ESCO1: variants seen among roughly 807,000 people sequenced by gnomAD.
The protein encoded by ESCO1 is N-acetyltransferase ESCO1.
In ESCO1, 33 loss-of-function variants were observed where a neutral mutation model predicts 83.5. The ratio of observed to expected loss-of-function variants is 0.40; its 90% CI spans 0.30 to 0.53. The LOEUF is 0.53. Ranked by LOEUF, ESCO1 falls within the 20% of genes least tolerant of loss-of-function variation. The probability of loss-of-function intolerance (pLI) is 0.63; values close to 1 mark genes in which losing one functional copy is unlikely to be tolerated. For missense variants in ESCO1, 855 were observed against 968.0 expected, an observed-to-expected ratio of 0.88 and a Z score of 1.55; for synonymous variants, 332 against 324.3, an observed-to-expected ratio of 1.02 and a Z score of -0.25.
chr18:21,550,133 C>T (rs2038027488), intron 8 of ESCO1, among the ~76,000 whole-genome samples: 1 of 152,120 alleles, frequency 6.6e-6, no homozygotes, highest in African/African-American at 2.4e-5. Flanking sequence ...TGAGCAGAGA[C>T]CAGTAGCCAT....
intron 8 of ESCO1, among the ~76,000 whole-genome samples, chr18:21,547,266 A>C (rs2146182458): frequency 6.6e-6 from 1 of 152,270 alleles, no homozygotes; most frequent in African/African-American, 2.4e-5. Flanking sequence ...TTTAAAAACA[A>C]GGTCGACAGT....
chr18:21,560,065 C>CA (rs1479918328), intron 8 of ESCO1, among the ~76,000 whole-genome samples: 1 of 152,014 alleles, frequency 6.6e-6, no homozygotes, highest in Non-Finnish European at 1.5e-5. Context: ...TTGGTGATCT[C>CA]AGTTCAGATA....
chr18:21,558,338 T>G (rs902762579), intron 8 of ESCO1, among the ~76,000 whole-genome samples: 4 of 152,290 alleles, frequency 2.6e-5, no homozygotes, highest in African/African-American at 4.8e-5. Flanking sequence ...AAAATACGAC[T>G]TTTAGCCATT....
At chr18:21,533,701 G>A (rs1371263362) in intron 10 of ESCO1, among the ~76,000 whole-genome samples, 1 of 152,036 alleles carries the variant, frequency 6.6e-6, no homozygotes, top group Non-Finnish European at 1.5e-5. Flanking sequence ...GATCTAGGTG[G>A]AATAGAACCT....
intron 6 of ESCO1, among the ~76,000 whole-genome samples, chr18:21,565,528 T>C (rs777245671): frequency 2.6e-5 from 4 of 152,198 alleles, no homozygotes; most frequent in Non-Finnish European, 5.9e-5. Context: ...GTGTTTAACA[T>C]AGGATTTGTC....
At chr18:21,542,569 T>C (rs569551548) in intron 8 of ESCO1, among the ~76,000 whole-genome samples, 1 of 152,186 alleles carries the variant, frequency 6.6e-6, no homozygotes, top group South Asian at 2.1e-4. Flanking sequence ...GCTCAAAGAG[T>C]AGCCACTAAG....
At chr18:21,567,406 C>T (rs1056679823) in intron 5 of ESCO1, among the ~76,000 whole-genome samples, 2 of 152,018 alleles carry the variant, frequency 1.3e-5, no homozygotes, top group East Asian at 3.9e-4. Flanking sequence ...CTTAAGTGAT[C>T]TGTCTGCCTA....
chr18:21,571,624 A>G (rs946776755), intron 4 of ESCO1, among the ~76,000 whole-genome samples: 1 of 152,260 alleles, frequency 6.6e-6, no homozygotes, highest in Non-Finnish European at 1.5e-5. Flanking sequence ...AGTTTAGTAC[A>G]AAGGAATGAA....
At chr18:21,583,902 T>C (rs1400783944) in intron 2 of ESCO1, among the ~76,000 whole-genome samples, 1 of 152,102 alleles carries the variant, frequency 6.6e-6, no homozygotes, top group Non-Finnish European at 1.5e-5. Flanking sequence ...CAAATAGAGA[T>C]GTAAGTTATA....
chr18:21,585,606 G>T (rs140567211), intron 1 of ESCO1, among the ~76,000 whole-genome samples: 220 of 152,148 alleles, frequency 1.4e-3, no homozygotes, highest in African/African-American at 5.1e-3. Flanking sequence ...GATGAAGTGT[G>T]AGCCCAAAAC....
At chr18:21,578,808 G>A (rs1046454633) in intron 2 of ESCO1, among the ~76,000 whole-genome samples, 1 of 151,412 alleles carries the variant, frequency 6.6e-6, no homozygotes, top group Non-Finnish European at 1.5e-5. Flanking sequence ...AGCGATTCTC[G>A]TGCCTTAGCC....
rs199769624 is a variant in ESCO1, at chr18:21,532,463, T to A, written c.2375+10A>T. On this transcript the variant is annotated intron_variant, in intron 11 of 11. Transcript: ENST00000269214. ...ACTAAAAATGATTTGAAGGATTACA[T>A]TCAAGTTACCTTAGGCATTCAATCA... 10 of 1,600,926 alleles carry A rather than the reference T, an allele frequency of 6.2e-6. 1 individual carries two copies. The South Asian group carries it at 1.1e-4, about 18-fold the overall frequency.
intron 9 of ESCO1, 80 bp downstream of exon 9, chr18:21,539,840 C>T (rs1818274): frequency 0.83 from 950,856 of 1,146,672 alleles, 395,805 homozygotes; most frequent in East Asian, 0.97. Flanking sequence ...AGAGCAAGAC[C>T]CTGTCTCAGG....
intron 9 of ESCO1, among the ~76,000 whole-genome samples, chr18:21,536,463 C>T (rs886434564): frequency 4.6e-5 from 7 of 151,836 alleles, no homozygotes; most frequent in Non-Finnish European, 8.8e-5. Context: ...CCGCAGTGTG[C>T]GCCTGTAATC....
At chr18:21,531,782 A>G (rs773549975) in intron 11 of ESCO1, among the ~76,000 whole-genome samples, 2 of 149,840 alleles carry the variant, frequency 1.3e-5, no homozygotes, top group Non-Finnish European at 3.0e-5. Flanking sequence ...AATCCCAACT[A>G]CTTGGGAGGC....
intron 1 of ESCO1, among the ~76,000 whole-genome samples, chr18:21,587,747 G>A (rs1047734827): frequency 5.3e-5 from 8 of 151,988 alleles, no homozygotes; most frequent in Admixed American, 1.3e-4. Flanking sequence ...GACCAGTTTG[G>A]GCAACACAGC....
At chr18:21,597,061 A>G (rs548653760) in intron 1 of ESCO1, 1 of 152,350 alleles carries the variant, frequency 6.6e-6, no homozygotes, top group South Asian at 2.1e-4. Context: ...ATGAATTCTA[A>G]TGCAACAGAA....
At chr18:21,596,793 C>G (rs1242879036) in intron 1 of ESCO1, among the ~76,000 whole-genome samples, 1 of 152,142 alleles carries the variant, frequency 6.6e-6, no homozygotes, top group African/African-American at 2.4e-5. Context: ...CGAGATAGCA[C>G]AGCCTGGGCA....
chr18:21,569,792 A>G (rs540491133), intron 4 of ESCO1, among the ~76,000 whole-genome samples: 8 of 152,308 alleles, frequency 5.3e-5, no homozygotes, highest in African/African-American at 1.9e-4. Flanking sequence ...CGGAGGTTGC[A>G]GTGAGCCAAG....
Sources: allele counts gnomAD v4.1 joint callset (sites outside exome capture counted in the v4.1 genomes callset), GRCh38; gene constraint gnomAD v4.1.1; transcripts MANE v1.5; gene names NCBI Gene and HGNC (gene_info 2026-07-23, HGNC 2026-07-21).